Variants in DSCAM observed in about 807,000 individuals in gnomAD.
DSCAM encodes DS cell adhesion molecule, also known as cell adhesion molecule DSCAM.
A neutral mutation model predicts 217.7 loss-of-function variants in DSCAM; 47 were observed. That is an observed-to-expected ratio of 0.22 (90% CI 0.17 to 0.28). The LOEUF is 0.28. Ranked by LOEUF, DSCAM falls within the 10% of genes least tolerant of loss-of-function variation. The pLI, the probability that DSCAM is intolerant of heterozygous loss-of-function variation, is 1.00. For synonymous variants in DSCAM, 1,056 were observed against 1,015.3 expected, an observed-to-expected ratio of 1.04 and a Z score of -0.76; for missense variants, 2,080 against 2,618.3, an observed-to-expected ratio of 0.79 and a Z score of 4.49.
chr21:40,157,285 T>A (rs987081900), intron 16 of DSCAM, among the ~76,000 whole-genome samples: 2 of 152,138 alleles, frequency 1.3e-5, no homozygotes, highest in Non-Finnish European at 2.9e-5. Flanking sequence ...GCTGAAAATA[T>A]CTGCTCTCTG....
chr21:40,605,788 ATTC>A (rs2089227820), intron 3 of DSCAM, among the ~76,000 whole-genome samples: 1 of 92,454 alleles, frequency 1.1e-5, no homozygotes, highest in East Asian at 3.1e-4. Flanking sequence ...CTTAATGCAC[ATTC>A]TTTTTTTTTT....
chr21:40,833,218 A>T (rs1338853370), intron 1 of DSCAM, among the ~76,000 whole-genome samples: 1 of 151,904 alleles, frequency 6.6e-6, no homozygotes, highest in African/African-American at 2.4e-5. Context: ...GTTTCTCCAC[A>T]TCTAGTATCT....
chr21:40,073,880 T>C (rs1395761835), intron 27 of DSCAM, among the ~76,000 whole-genome samples: 7 of 152,218 alleles, frequency 4.6e-5, no homozygotes. Flanking sequence ...AGGAGACTGA[T>C]GGCTGACCTG....
At position 40,480,104 on chromosome 21, in the gene DSCAM, C is replaced by T. The variant is rs184783848; in HGVS notation, c.509-110859G>A. 2.5e-3 allele frequency among the ~76,000 whole-genome samples: 376 copies of T among 152,282 alleles called. 5 individuals carry two copies. The highest frequency in any genetic ancestry group is 9.1e-3 in the South Asian group (44 of 4,820). On this transcript the variant is annotated intron_variant, in intron 3 of 32. Transcript: ENST00000400454. ...TGCACCCAACATTAAGAAACAAGAA[C>T]GCCAGAAATGAGGCAGAGGAAGGTC...
chr21:40,823,199 T>G (rs2091943255), intron 1 of DSCAM, among the ~76,000 whole-genome samples: 1 of 66,302 alleles, frequency 1.5e-5, no homozygotes, highest in Non-Finnish European at 3.1e-5. Context: ...TTAGCATACA[T>G]ACATTGTGTG....
At chr21:40,554,646 C>T (rs113917993) in intron 3 of DSCAM, among the ~76,000 whole-genome samples, 1,538 of 152,222 alleles carry the variant, frequency 0.01, 31 homozygotes, top group African/African-American at 0.035. Flanking sequence ...ACATACTCTC[C>T]TCCTATGCTG....
chr21:40,185,436 C>T (rs765854278), intron 14 of DSCAM, among the ~76,000 whole-genome samples: 6 of 152,180 alleles, frequency 3.9e-5, no homozygotes, highest in Non-Finnish European at 8.8e-5. Context: ...AATCACTGAG[C>T]CCAGGCCTGC....
intron 3 of DSCAM, among the ~76,000 whole-genome samples, chr21:40,435,318 G>A (rs2075573262): frequency 6.6e-6 from 1 of 152,250 alleles, no homozygotes; most frequent in African/African-American, 2.4e-5. Context: ...CTTCTCTAAT[G>A]TTTGTTTAAT....
intron 11 of DSCAM, among the ~76,000 whole-genome samples, chr21:40,213,740 G>T (rs2091210544): frequency 6.6e-6 from 1 of 152,102 alleles, no homozygotes; most frequent in African/African-American, 2.4e-5. Context: ...AAAATAAGTG[G>T]AGTCAAGGAG....
intron 4 of DSCAM, among the ~76,000 whole-genome samples, chr21:40,362,821 T>G (rs765581781): frequency 5.3e-5 from 8 of 152,124 alleles, no homozygotes; most frequent in Non-Finnish European, 8.8e-5. Flanking sequence ...CAGGTGTGCA[T>G]ATGTAAGTAT....
At chr21:40,124,829 G>A (rs969850365) in intron 19 of DSCAM, among the ~76,000 whole-genome samples, 1 of 152,166 alleles carries the variant, frequency 6.6e-6, no homozygotes, top group African/African-American at 2.4e-5. Flanking sequence ...GTGGTCCTTT[G>A]TAGCTCTAGG....
At chr21:40,256,575 T>C (rs575841699) in intron 11 of DSCAM, among the ~76,000 whole-genome samples, 1 of 152,126 alleles carries the variant, frequency 6.6e-6, no homozygotes, top group African/African-American at 2.4e-5. Context: ...AGAACTGATG[T>C]GCAGCTTGGG....
At chr21:40,639,942 C>T (rs1054863554) in intron 3 of DSCAM, among the ~76,000 whole-genome samples, 3 of 152,182 alleles carry the variant, frequency 2.0e-5, no homozygotes, top group African/African-American at 7.2e-5. Context: ...ACACGGGCTC[C>T]ATATCGATTC....
chr21:40,640,847 A>C (rs898276770), intron 3 of DSCAM, among the ~76,000 whole-genome samples: 1 of 150,044 alleles, frequency 6.7e-6, no homozygotes, highest in African/African-American at 2.4e-5. Flanking sequence ...ACACACAAAA[A>C]CACCACACGC....
intron 3 of DSCAM, among the ~76,000 whole-genome samples, chr21:40,378,062 G>A (rs2074980817): frequency 6.6e-6 from 1 of 152,142 alleles, no homozygotes; most frequent in Non-Finnish European, 1.5e-5. Context: ...AGCTAGAAAT[G>A]CACAAAATTG....
At chr21:40,411,131 A>G (rs1311698372) in intron 3 of DSCAM, among the ~76,000 whole-genome samples, 1 of 151,782 alleles carries the variant, frequency 6.6e-6, no homozygotes, top group Non-Finnish European at 1.5e-5. Context: ...TCAACAATAT[A>G]TGTGACCAGA....
intron 7 of DSCAM, 69 bp from the exon 8 acceptor site, chr21:40,338,445 T>G: frequency 6.8e-7 from 1 of 1,472,850 alleles, no homozygotes. Flanking sequence ...ATGGGTACAC[T>G]TTTCCTTGAG....
chr21:40,348,795 C>A (rs1277894233), intron 5 of DSCAM, among the ~76,000 whole-genome samples: 2 of 152,066 alleles, frequency 1.3e-5, no homozygotes, highest in African/African-American at 2.4e-5. Flanking sequence ...TAATGTTGGT[C>A]AAACTGCCTT....
intron 3 of DSCAM, among the ~76,000 whole-genome samples, chr21:40,686,020 T>A (rs1261648692): frequency 6.6e-6 from 1 of 152,046 alleles, no homozygotes; most frequent in Non-Finnish European, 1.5e-5. Context: ...AGCGCTGCAA[T>A]CAAGTCATAT....
Sources: allele counts gnomAD v4.1 joint callset (sites outside exome capture counted in the v4.1 genomes callset), GRCh38; gene constraint gnomAD v4.1.1; transcripts MANE v1.5; gene names NCBI Gene and HGNC (gene_info 2026-07-23, HGNC 2026-07-21).